The following CASZ1 variants were observed in gnomAD, a reference collection of about 807,000 sequenced individuals.
CASZ1 encodes the protein zinc finger protein castor homolog 1.
In CASZ1, 28 loss-of-function variants were observed where a neutral mutation model predicts 135.2. The observed-to-expected ratio is 0.21, with a 90% CI of 0.15 to 0.28. The LOEUF is 0.28. Among genes scored for constraint, CASZ1 ranks in the 10% least tolerant of loss-of-function variants. The pLI is 1.00. For missense variants in CASZ1, 2,161 were observed against 2,453.3 expected (o/e 0.88, Z 2.52); for synonymous variants, 1,068 against 1,073.4 (o/e 0.99, Z 0.10).
chr1:10,669,945 A>C (rs11121604), intron 4 of CASZ1, among the ~76,000 whole-genome samples: 2 of 152,172 alleles, frequency 1.3e-5, no homozygotes, highest in African/African-American at 4.8e-5. Context: ...CGTCCCTTCT[A>C]AACATTTCAC....
chr1:10,702,713 C>G (rs1357303434), intron 3 of CASZ1, among the ~76,000 whole-genome samples: 1 of 152,124 alleles, frequency 6.6e-6, no homozygotes, highest in Non-Finnish European at 1.5e-5. Context: ...CATTCCACTG[C>G]CCCACCCCTG....
chr1:10,777,714 A>T lies in CASZ1; in HGVS notation c.-233-16857T>A, dbSNP rs1640685907. 6.6e-6 allele frequency among the ~76,000 whole-genome samples: 1 copy of T among 151,716 alleles called. No individual in the cohort carries two copies. The highest frequency in any genetic ancestry group is 2.1e-4 in the South Asian group (1 of 4,812). On this transcript the variant is annotated intron_variant, in intron 1 of 20. Coordinates refer to ENST00000377022, the MANE Select transcript of CASZ1 (RefSeq NM_001079843.3). The surrounding 1 kb of genome is among the most constrained non-coding windows in gnomAD (Gnocchi z 4.4). Reference sequence around the variant, plus strand: ...CACACACACCATCTCATACAAAATCACACACAAAACCACATACCACGTTAC... The same window carrying T: ...CACACACACCATCTCATACAAAATCTCACACAAAACCACATACCACGTTAC...
Position 10,720,745 on chromosome 1 carries a change from C to T in CASZ1, c.-76-15201G>A, listed in dbSNP as rs746508883. Among the ~76,000 whole-genome samples the T allele has an allele frequency of 6.6e-6, 1 of 152,076 alleles. No homozygotes were observed. Among genetic ancestry groups the T allele is most frequent in the Admixed American group, 6.6e-5 (1 of 15,266 alleles). ...GACGGCTGGCAAAGAATGAGAAGGG[C>T]GTAGGGAAGCCCAAGGTCAGAGAGT... On this transcript the variant is annotated intron_variant, in intron 2 of 20. Transcript: ENST00000377022. This position sits in a 1 kb window ranked among gnomAD's most constrained non-coding sequence, Gnocchi z 5.7.
At position 10,665,404 on chromosome 1, in the gene CASZ1, G is replaced by A. The variant is rs200114806; in HGVS notation, c.184C>T (p.Arg62Trp). 1.6e-5 allele frequency: 25 copies of A among 1,612,766 alleles called. No homozygotes were observed. In the African/African-American group the frequency reaches 2.0e-4, roughly 13 times the overall value. Residue 62 changes from arginine to tryptophan, a missense_variant, in exon 5 of 21, where the codon CGG (arginine) becomes TGG (tryptophan). Transcript: ENST00000377022. The part of the protein sequence containing the change: ...SHTEGSPSQP[R>W]DQERSGPESG... ...TCAGGGCCACTGCGCTCTTGGTCCC[G>A]GGGCTGCGATGGGCTGCCCTCCGTG...
chr1:10,792,332 C>A (rs1425884136), intron 1 of CASZ1, among the ~76,000 whole-genome samples: 3 of 42,218 alleles, frequency 7.1e-5, no homozygotes, highest in South Asian at 1.7e-3. Flanking sequence ...CCCCCGCCCC[C>A]CCCCCCCCGG....
In CASZ1 at chr1:10,720,875, G is replaced by C. The variant is rs187539981; in HGVS notation, c.-76-15331C>G. On this transcript the variant is annotated intron_variant, in intron 2 of 20. Transcript: ENST00000377022. This position sits in a 1 kb window ranked among gnomAD's most constrained non-coding sequence, Gnocchi z 5.7. ...GGGGAGAGGCAGGCATGGGTGCCGC[G>C]TGGGCCCAGCCAAGGGCTCCAGGAC... Among the ~76,000 whole-genome samples, 1 of 152,146 alleles carries C rather than the reference G, an allele frequency of 6.6e-6. No homozygotes were observed. The highest frequency in any genetic ancestry group is 1.5e-5 in the Non-Finnish European group (1 of 68,024).
At position 10,767,985 on chromosome 1, in the gene CASZ1, C is replaced by T. The variant is rs892288532; in HGVS notation, c.-233-7128G>A. On this transcript the variant is annotated intron_variant, in intron 1 of 20. Transcript: ENST00000377022. The surrounding 1 kb of genome is among the most constrained non-coding windows in gnomAD (Gnocchi z 4.2). ...CCCAGACCTGGGACCCCAGACTCCA[C>T]CCTGGAATCTCACAAGTGTCTTGAC... Among the ~76,000 whole-genome samples, 20 of 152,214 alleles carry T rather than the reference C, an allele frequency of 1.3e-4. No homozygotes were observed. Among genetic ancestry groups the T allele is most frequent in the Non-Finnish European group, 2.5e-4 (17 of 68,036 alleles).
intron 2 of CASZ1, among the ~76,000 whole-genome samples, chr1:10,728,944 C>T (rs994310716): frequency 2.0e-5 from 3 of 152,128 alleles, no homozygotes; most frequent in South Asian, 2.1e-4. Flanking sequence ...AAAACCAGCC[C>T]CTGAGAGGTG....
rs1013322922 is a variant in CASZ1, at chr1:10,755,286, T to C, written c.-77+5415A>G. Among the ~76,000 whole-genome samples, 1 of 152,180 alleles carries C rather than the reference T, an allele frequency of 6.6e-6. No individual in the cohort carries two copies. Among genetic ancestry groups the C allele is most frequent in the African/African-American group, 2.4e-5 (1 of 41,444 alleles). The stretch of plus-strand genomic sequence containing the variant: ...CAGAACAAAAGCACATGGGGGAACC[T>C]GGCAGGAGACCGGAGAGGAGGAGCT... On this transcript the variant is annotated intron_variant, in intron 2 of 20. Transcript: ENST00000377022. This position sits in a 1 kb window ranked among gnomAD's most constrained non-coding sequence, Gnocchi z 4.3.
intron 4 of CASZ1, among the ~76,000 whole-genome samples, chr1:10,682,705 A>G (rs906904423): frequency 6.6e-6 from 1 of 152,216 alleles, no homozygotes; most frequent in Non-Finnish European, 1.5e-5. Context: ...CCCAGGGACC[A>G]GGAAATAGAA....
At chr1:10,733,171 G>T (rs1176909994) in intron 2 of CASZ1, among the ~76,000 whole-genome samples, 1 of 152,198 alleles carries the variant, frequency 6.6e-6, no homozygotes, top group East Asian at 1.9e-4. Flanking sequence ...GCTTCCCAGG[G>T]TCGCCTCCAG....
Position 10,777,279 on chromosome 1 carries a change from C to T in CASZ1, c.-233-16422G>A, listed in dbSNP as rs1157234137. On this transcript the variant is annotated intron_variant, in intron 1 of 20. Transcript: ENST00000377022. This position sits in a 1 kb window ranked among gnomAD's most constrained non-coding sequence, Gnocchi z 4.4. ...CTGTTCCTGAGGACAGGACAAGGAC[C>T]GCAGGGTTGGGACCCCTATGAGGAC... 2.6e-5 allele frequency among the ~76,000 whole-genome samples: 4 copies of T among 152,134 alleles called. No individual in the cohort carries two copies. The highest frequency in any genetic ancestry group is 3.8e-4 in the East Asian group (2 of 5,196).
In CASZ1 at chr1:10,665,278, G is replaced by C. The variant is rs773271516; in HGVS notation, c.310C>G (p.Pro104Ala). The change falls in exon 5 of 21, where the codon CCC becomes GCC. Residue 104 changes from proline (P) to alanine (A), a missense_variant. This residue lies in a region of CASZ1 where 590 missense variants were observed against 609.8 expected (regional missense o/e 0.97). Transcript: ENST00000377022. The stretch of plus-strand genomic sequence containing the variant: ...TCGCGGGCAATCCGCCCCAACACGG[G>C]TGTGGGTGCCGGCTCCTCGCTGTAC... Reference protein sequence around the residue: ...GEYSEEPAPTPVLGRIAREGL... With the variant: ...GEYSEEPAPTAVLGRIAREGL... 6.2e-7 allele frequency: 1 copy of C among 1,611,940 alleles called. No homozygotes were observed. The highest frequency in any genetic ancestry group is 8.5e-7 in the Non-Finnish European group (1 of 1,178,746).
At chr1:10,748,555 A>T (rs1042939411) in intron 2 of CASZ1, among the ~76,000 whole-genome samples, 2 of 152,208 alleles carry the variant, frequency 1.3e-5, no homozygotes, top group South Asian at 2.1e-4. Context: ...TCTATAAAAC[A>T]GTGGGTCTGA....
In CASZ1 at chr1:10,705,928, C is replaced by T. The variant is rs373053750; in HGVS notation, c.-76-384G>A. Among the ~76,000 whole-genome samples, 17 of 152,350 alleles carry T rather than the reference C, an allele frequency of 1.1e-4. No homozygotes were observed. In the East Asian group the frequency reaches 2.9e-3, roughly 26 times the overall value. On this transcript the variant is annotated intron_variant, in intron 2 of 20. Coordinates refer to ENST00000377022, the MANE Select transcript of CASZ1 (RefSeq NM_001079843.3). ...CTCCCGTGGAGCTGCAGCGGCCTAG[C>T]AGGGATGCCTGGGGACAATGACAGA... is the stretch of plus-strand genomic sequence containing the variant.
At chr1:10,705,066 C>T (rs1479574679) in intron 3 of CASZ1, among the ~76,000 whole-genome samples, 1 of 152,220 alleles carries the variant, frequency 6.6e-6, no homozygotes, top group Non-Finnish European at 1.5e-5. Context: ...GGTTCTGGGG[C>T]CTTCGAGTCC....
intron 4 of CASZ1, among the ~76,000 whole-genome samples, chr1:10,670,472 G>C (rs1041741741): frequency 6.6e-6 from 1 of 152,178 alleles, no homozygotes; most frequent in East Asian, 1.9e-4. Context: ...ATTTACTTCC[G>C]AACTTGCAGC....
intron 3 of CASZ1, among the ~76,000 whole-genome samples, chr1:10,696,342 C>A (rs1257052571): frequency 6.6e-6 from 1 of 152,184 alleles, no homozygotes; most frequent in Non-Finnish European, 1.5e-5. Context: ...GCTGGAGAGG[C>A]CTAGAAACCT....
chr1:10,643,152 G>A lies in CASZ1; in HGVS notation c.4020+8C>T. 1.2e-6 allele frequency: 2 copies of A among 1,609,862 alleles called. No individual in the cohort carries two copies. The highest frequency in any genetic ancestry group is 1.7e-6 in the Non-Finnish European group (2 of 1,179,048). On this transcript the variant is annotated splice_region_variant and intron_variant, in intron 19 of 20. Coordinates refer to ENST00000377022, the MANE Select transcript of CASZ1 (RefSeq NM_001079843.3). Reference sequence around the variant, plus strand: ...CTGGCTGGGCTCTCACCTGGGGGGGGCTCTCACCTGGGAGGGGGGCACGCG... The same window carrying A: ...CTGGCTGGGCTCTCACCTGGGGGGGACTCTCACCTGGGAGGGGGGCACGCG...
Sources: gnomAD v4.1 joint callset for allele counts (sites outside exome capture counted in the v4.1 genomes callset) on GRCh38, gnomAD v4.1.1 for gene constraint, gnomAD v4.1.1 regional missense constraint, Gnocchi (gnomAD v3.1) non-coding constraint, MANE v1.5 for transcripts, NCBI Gene and HGNC (gene_info 2026-07-23, HGNC 2026-07-21) for gene names.